The following SRGAP2C variants were observed in gnomAD, a reference collection of about 807,000 sequenced individuals.
The protein encoded by SRGAP2C is SLIT-ROBO Rho GTPase-activating protein 2C.
SRGAP2C carries 15 observed loss-of-function variants against 25.1 expected under a neutral mutation model. That is an observed-to-expected ratio of 0.60 (90% CI 0.40 to 0.92). The LOEUF is 0.92. Among genes scored for constraint, SRGAP2C ranks in the 40% least tolerant of loss-of-function variants. The probability of loss-of-function intolerance (pLI) is 0.00; values close to 1 mark genes in which losing one functional copy is unlikely to be tolerated. For missense variants in SRGAP2C, 144 were observed against 264.4 expected (o/e 0.54, Z 3.16); for synonymous variants, 44 against 96.6 (o/e 0.46, Z 3.19).
At chr1:121,223,080 C>T (rs1205877679) in intron 2 of SRGAP2C, among the ~76,000 whole-genome samples, 5 of 152,012 alleles carry the variant, frequency 3.3e-5, no homozygotes, top group Non-Finnish European at 4.4e-5. Context: ...CAGTATGGTG[C>T]TTGGGTCAGT....
intron 2 of SRGAP2C, among the ~76,000 whole-genome samples, chr1:121,217,104 T>C (rs1267848443): frequency 1.3e-5 from 2 of 151,696 alleles, no homozygotes; most frequent in Non-Finnish European, 2.9e-5. Flanking sequence ...ACTCATTTCC[T>C]TTTGTTTCTT....
chr1:121,257,954 G>A (rs1409266973), intron 2 of SRGAP2C, among the ~76,000 whole-genome samples: 8 of 143,808 alleles, frequency 5.6e-5, no homozygotes, highest in Non-Finnish European at 1.2e-4. Context: ...TGTTGTTTTT[G>A]TGTGTGGGGT....
chr1:121,225,786 C>G (rs1655651693), intron 2 of SRGAP2C, among the ~76,000 whole-genome samples: 1 of 147,188 alleles, frequency 6.8e-6, no homozygotes, highest in Non-Finnish European at 1.5e-5. Flanking sequence ...CTCACTGCAA[C>G]CTCTGCCTCC....
intron 2 of SRGAP2C, among the ~76,000 whole-genome samples, chr1:121,255,434 T>A (rs1656436602): frequency 6.7e-6 from 1 of 149,632 alleles, no homozygotes; most frequent in Admixed American, 6.7e-5. Context: ...ATTTCTTGGA[T>A]TTTTTTTTTC....
At chr1:121,301,442 G>GT (rs1188439043) in intron 3 of SRGAP2C, among the ~76,000 whole-genome samples, 7 of 149,776 alleles carry the variant, frequency 4.7e-5, no homozygotes, top group Non-Finnish European at 7.4e-5. Flanking sequence ...TGTTGTTGTT[G>GT]TTTTTTGTTT....
At chr1:121,321,907 C>T (rs1457907959) in intron 3 of SRGAP2C, among the ~76,000 whole-genome samples, 6 of 152,126 alleles carry the variant, frequency 3.9e-5, no homozygotes, top group African/African-American at 1.4e-4. Flanking sequence ...CTGAGGTCTA[C>T]CTTTCTGAGC....
intron 2 of SRGAP2C, among the ~76,000 whole-genome samples, chr1:121,210,003 C>T (rs1324162704): frequency 6.7e-6 from 1 of 150,366 alleles, no homozygotes; most frequent in Non-Finnish European, 1.5e-5. Flanking sequence ...TTTGTACATG[C>T]CATTGCTGTT....
At position 121,374,894 on chromosome 1, in the gene SRGAP2C, G is replaced by C. The variant is rs2101664737; in HGVS notation, c.771G>C (p.Leu257Phe). The change falls in exon 7 of 10, where the codon TTG becomes TTC. Residue 257 changes from leucine to phenylalanine, a missense_variant. Transcript: ENST00000367123. The stretch of plus-strand genomic sequence containing the variant: ...CCCAGAATGAGTACTTGCTGGCTTT[G>C]GAGGCAACCAATGCATCTGTCTTCA... ...IKAQNEYLLA[L>F]EATNASVFKY... 1.3e-6 allele frequency: 1 copy of C among 779,360 alleles called. No individual in the cohort carries two copies. Among genetic ancestry groups the C allele is most frequent in the South Asian group, 1.3e-5 (1 of 74,232 alleles). The allele number at this position is 779,360 out of a possible 1,614,324, so 48.3% of individuals were successfully genotyped here. A position where few individuals can be genotyped will look rare whatever the true frequency, so the allele number is the denominator to read the frequency against.
At chr1:121,291,139 A>G (rs1224119264) in intron 3 of SRGAP2C, among the ~76,000 whole-genome samples, 1 of 130,054 alleles carries the variant, frequency 7.7e-6, no homozygotes, top group African/African-American at 2.9e-5. Context: ...GGGGAGTGGA[A>G]AGGAAGTAGG....
At chr1:121,332,495 CAAG>C (rs1658453414) in intron 4 of SRGAP2C, among the ~76,000 whole-genome samples, 4 of 151,458 alleles carry the variant, frequency 2.6e-5, no homozygotes. Context: ...GTGGGGAATG[CAAG>C]AAGAGTGCTG....
chr1:121,273,858 C>T (rs1242408455), intron 2 of SRGAP2C, among the ~76,000 whole-genome samples: 16 of 151,778 alleles, frequency 1.1e-4, no homozygotes, highest in African/African-American at 3.9e-4. Context: ...GGAGAGAAAG[C>T]CTGGGTGGGA....
rs1349962243 is a variant in SRGAP2C, at chr1:121,390,633, C to T, written c.*2778C>T. On this transcript the variant is annotated 3_prime_UTR_variant, in exon 10 of 10. Coordinates refer to ENST00000367123, the MANE Select transcript of SRGAP2C (RefSeq NM_001329984.2). ...GATGACATCAATTGGGAATTTGAGG[C>T]ATGACCTATAAAGATCAGTTGCTTG... The T allele has an allele frequency of 3.9e-5, 3 of 77,458 alleles. No homozygotes were observed. Among genetic ancestry groups the T allele is most frequent in the African/African-American group, 1.6e-4 (3 of 18,402 alleles). 4.8% of individuals were successfully genotyped at this position (77,458 alleles called of 1,614,324 possible). A position where few individuals can be genotyped will look rare whatever the true frequency, so the allele number is the denominator to read the frequency against.
chr1:121,392,559 G>C lies in SRGAP2C; in HGVS notation c.*4704G>C, dbSNP rs1489596136. ...CAGGCTTTCATACCATTCTTAATTT[G>C]GTCCTGTAATTCTTCATTGCTGTAT... On this transcript the variant is annotated 3_prime_UTR_variant, in exon 10 of 10. Coordinates refer to ENST00000367123, the MANE Select transcript of SRGAP2C (RefSeq NM_001329984.2). The C allele has an allele frequency of 3.5e-5, 5 of 142,768 alleles. No homozygotes were observed. The highest frequency in any genetic ancestry group is 2.3e-4 in the South Asian group (1 of 4,278). The allele number at this position is 142,768 out of a possible 1,614,324, so 8.8% of individuals were successfully genotyped here. A position where few individuals can be genotyped will look rare whatever the true frequency, so the allele number is the denominator to read the frequency against.
chr1:121,338,268 A>G (rs1658564991), intron 4 of SRGAP2C, among the ~76,000 whole-genome samples: 1 of 150,604 alleles, frequency 6.6e-6, no homozygotes, highest in African/African-American at 2.5e-5. Context: ...GAGAGAGAGT[A>G]GCACCTTTGA....
chr1:121,309,892 ATG>A, intron 3 of SRGAP2C, among the ~76,000 whole-genome samples: 1 of 18,420 alleles, frequency 5.4e-5, no homozygotes, highest in Admixed American at 5.6e-4. Flanking sequence ...ATACGTGTGC[ATG>A]TGTCTTTATA....
rs1333603264 is a variant in SRGAP2C, at chr1:121,196,342, C to T, written c.67+8829C>T. On this transcript the variant is annotated intron_variant, in intron 2 of 9. Transcript: ENST00000367123. ...ATCTCACCTTTCTGGTAAAGCCCAACGTTTCTGGGATTGCTTCCTTAATTG... is the reference window on the plus strand; with the variant it reads ...ATCTCACCTTTCTGGTAAAGCCCAATGTTTCTGGGATTGCTTCCTTAATTG... 2.6e-5 allele frequency among the ~76,000 whole-genome samples: 2 copies of T among 76,282 alleles called. 1 individual carries two copies. The highest frequency in any genetic ancestry group is 5.1e-5 in the Non-Finnish European group (2 of 38,962). The allele number at this position is 76,282 out of a possible 152,430, so 50.0% of individuals were successfully genotyped here.
At chr1:121,238,830 G>T (rs1282759264) in intron 2 of SRGAP2C, among the ~76,000 whole-genome samples, 1 of 139,728 alleles carries the variant, frequency 7.2e-6, no homozygotes, top group African/African-American at 2.7e-5. Context: ...TTCCCAGGAT[G>T]GAGTGCAGTA....
At position 121,346,972 on chromosome 1, in the gene SRGAP2C, TTG is replaced by T. The variant is rs1658761500; in HGVS notation, c.424-18320_424-18319del. On this transcript the variant is annotated intron_variant, in intron 4 of 9. Coordinates refer to ENST00000367123, the MANE Select transcript of SRGAP2C (RefSeq NM_001329984.2). ...AATACTCACACTTCAAATGTTTGGC[TTG>T]GTGTCCACAAATCAACTCAGGGCCG... Among the ~76,000 whole-genome samples, 3 of 152,158 alleles carry T rather than the reference TTG, an allele frequency of 2.0e-5. No individual in the cohort carries two copies. In the South Asian group the frequency reaches 6.2e-4, roughly 32 times the overall value.
At chr1:121,213,348 G>A (rs1158871210) in intron 2 of SRGAP2C, among the ~76,000 whole-genome samples, 33 of 148,090 alleles carry the variant, frequency 2.2e-4, no homozygotes, top group East Asian at 6.1e-4. Flanking sequence ...GCCCGGCCTC[G>A]TTTCCTAATT....
Sources: gnomAD v4.1 joint callset for allele counts (sites outside exome capture counted in the v4.1 genomes callset) on GRCh38, gnomAD v4.1.1 for gene constraint, MANE v1.5 for transcripts, NCBI Gene and HGNC (gene_info 2026-07-23, HGNC 2026-07-21) for gene names.